Variants in LPP observed in about 807,000 individuals in gnomAD.
LPP encodes the protein LIM domain containing preferred translocation partner in lipoma, also known as lipoma-preferred partner.
A neutral mutation model predicts 60.4 loss-of-function variants in LPP; 38 were observed. The observed-to-expected ratio is 0.63, with a 90% CI of 0.49 to 0.83. The LOEUF (loss-of-function observed/expected upper bound fraction) is 0.83. Ranked by LOEUF, LPP falls within the 40% of genes least tolerant of loss-of-function variation. The pLI, the probability that LPP is intolerant of heterozygous loss-of-function variation, is 0.00. For synonymous variants in LPP, 328 were observed against 290.8 expected (o/e 1.13, Z -1.30); for missense variants, 902 against 783.6 (o/e 1.15, Z -1.80).
At chr3:188,835,958 G>C (rs1198615973) in intron 9 of LPP, among the ~76,000 whole-genome samples, 1 of 152,170 alleles carries the variant, frequency 6.6e-6, no homozygotes. Context: ...TTGTATTTTT[G>C]ATGAGGAACC....
At chr3:188,248,040 G>C (rs899549337) in intron 2 of LPP, among the ~76,000 whole-genome samples, 2 of 152,064 alleles carry the variant, frequency 1.3e-5, no homozygotes, top group African/African-American at 4.8e-5. Context: ...GCTCCCGAGA[G>C]TTTAGAACTA....
At chr3:188,363,205 C>A (rs1194199120) in intron 3 of LPP, among the ~76,000 whole-genome samples, 1 of 152,106 alleles carries the variant, frequency 6.6e-6, no homozygotes, top group Non-Finnish European at 1.5e-5. Flanking sequence ...TTTCACCATT[C>A]AAGCTTTGAT....
chr3:188,847,095 A>G (rs892742163), intron 9 of LPP, among the ~76,000 whole-genome samples: 3 of 152,248 alleles, frequency 2.0e-5, no homozygotes, highest in Admixed American at 6.5e-5. Flanking sequence ...TCGAGCTTCT[A>G]TTAAGAAGTA....
chr3:188,584,952 A>C (rs1284137364), intron 6 of LPP, among the ~76,000 whole-genome samples: 5 of 152,146 alleles, frequency 3.3e-5, no homozygotes, highest in Non-Finnish European at 2.9e-5. Context: ...AAGTTTTTTC[A>C]TGTAGTTGAA....
chr3:188,866,500 T>A, intron 10 of LPP, 122 bp downstream of exon 10: 1 of 772,958 alleles, frequency 1.3e-6, no homozygotes, highest in Admixed American at 4.2e-5. Flanking sequence ...TTAGTGAGGC[T>A]TTTAAAAGAG....
intron 2 of LPP, among the ~76,000 whole-genome samples, chr3:188,340,557 A>G (rs953494527): frequency 2.0e-5 from 3 of 152,118 alleles, no homozygotes; most frequent in African/African-American, 4.8e-5. Context: ...CATCCATTCT[A>G]TTAAAACAAA....
intron 5 of LPP, among the ~76,000 whole-genome samples, chr3:188,509,624 CCCTTCCTT>C (rs1166656652): frequency 4.7e-4 from 55 of 116,858 alleles, no homozygotes; most frequent in African/African-American, 1.4e-3. Context: ...TTTTTTTGTC[CCCTTCCTT>C]CCTTCCTTCC....
At chr3:188,355,243 G>T (rs987689966) in intron 3 of LPP, among the ~76,000 whole-genome samples, 1 of 152,108 alleles carries the variant, frequency 6.6e-6, no homozygotes. Flanking sequence ...TCCTGACCTT[G>T]TGTTCTACCC....
At chr3:188,416,692 C>T (rs1000734969) in intron 4 of LPP, among the ~76,000 whole-genome samples, 3 of 152,142 alleles carry the variant, frequency 2.0e-5, no homozygotes, top group Admixed American at 6.6e-5. Flanking sequence ...AGACACCAAT[C>T]GTTTGCATAT....
At chr3:188,446,830 C>T (rs1343139039) in intron 4 of LPP, among the ~76,000 whole-genome samples, 29 of 152,310 alleles carry the variant, frequency 1.9e-4, no homozygotes, top group African/African-American at 7.0e-4. Context: ...TCTCCATGTC[C>T]TTTTTAGCTC....
chr3:188,543,980 G>T (rs959445526), intron 6 of LPP, among the ~76,000 whole-genome samples: 1 of 152,100 alleles, frequency 6.6e-6, no homozygotes, highest in Non-Finnish European at 1.5e-5. Context: ...AGGCATGTGG[G>T]GTATCATGAG....
intron 8 of LPP, chr3:188,746,342 A>C (rs533374575): frequency 2.4e-6 from 1 of 419,780 alleles, no homozygotes; most frequent in Non-Finnish European, 4.8e-6. Context: ...AACATGTTGT[A>C]ACAGGGGGCA....
chr3:188,827,115 A>G (rs529254814), intron 9 of LPP, among the ~76,000 whole-genome samples: 2 of 152,310 alleles, frequency 1.3e-5, no homozygotes, highest in East Asian at 1.9e-4. Context: ...GGAATGGATT[A>G]TTAGAGCTGG....
At chr3:188,284,843 G>A (rs1743380294) in intron 2 of LPP, among the ~76,000 whole-genome samples, 1 of 152,098 alleles carries the variant, frequency 6.6e-6, no homozygotes, top group Non-Finnish European at 1.5e-5. Context: ...GTGAGTAGGA[G>A]TTTTAGGTTT....
At chr3:188,460,779 ATGAAT>A (rs1193420864) in intron 4 of LPP, among the ~76,000 whole-genome samples, 2 of 152,224 alleles carry the variant, frequency 1.3e-5, no homozygotes, top group Admixed American at 6.5e-5. Flanking sequence ...TAAAGTTGAT[ATGAAT>A]AAGTAATATA....
intron 2 of LPP, among the ~76,000 whole-genome samples, chr3:188,254,469 A>C (rs146389759): frequency 2.4e-3 from 359 of 152,324 alleles, no homozygotes; most frequent in African/African-American, 8.5e-3. Context: ...TTGATGTATA[A>C]GGTAGCCCAT....
intron 2 of LPP, among the ~76,000 whole-genome samples, chr3:188,313,080 A>C (rs142383997): frequency 6.6e-6 from 1 of 152,022 alleles, no homozygotes; most frequent in Non-Finnish European, 1.5e-5. Context: ...ACATGTATAC[A>C]TATGTAACAA....
At chr3:188,233,906 C>G (rs1445175216) in intron 2 of LPP, among the ~76,000 whole-genome samples, 1 of 152,102 alleles carries the variant, frequency 6.6e-6, no homozygotes, top group African/African-American at 2.4e-5. Context: ...CTGCTCACCC[C>G]CTGCTCAGCA....
At chr3:188,807,890 G>A (rs1749661175) in intron 9 of LPP, among the ~76,000 whole-genome samples, 1 of 152,108 alleles carries the variant, frequency 6.6e-6, no homozygotes, top group African/African-American at 2.4e-5. Context: ...ACAGTGTGTT[G>A]TTATTTTTAC....
Sources: allele counts gnomAD v4.1 joint callset (sites outside exome capture counted in the v4.1 genomes callset), GRCh38; gene constraint gnomAD v4.1.1; transcripts MANE v1.5; gene names NCBI Gene and HGNC (gene_info 2026-07-23, HGNC 2026-07-21).